The following GSDMD variants were observed in gnomAD, a reference collection of about 807,000 sequenced individuals.
GSDMD encodes gasdermin D.
Under a neutral mutation model 46.7 loss-of-function variants are expected in GSDMD, and 46 were observed. That is an observed-to-expected ratio of 0.99 (90% CI 0.78 to 1.26). The LOEUF (loss-of-function observed/expected upper bound fraction) is 1.26, where lower values mean the gene tolerates loss of function less well. GSDMD is among the 50% of genes most tolerant of loss of function. The pLI is 0.00. For synonymous variants in GSDMD, 307 were observed against 283.1 expected (o/e 1.08, Z -0.85); for missense variants, 649 against 638.8 (o/e 1.02, Z -0.17).
At chr8:143,562,398 G>A (rs768513642) in intron 9 of GSDMD, 48 bp downstream of exon 9, 32 of 1,550,962 alleles carry the variant, frequency 2.1e-5, no homozygotes, top group Non-Finnish European at 2.8e-5. Flanking sequence ...AGGGAGGTGG[G>A]CTTTCCCGGT....
intron 1 of GSDMD, chr8:143,559,014 T>A: frequency 2.3e-6 from 1 of 425,870 alleles, no homozygotes. Context: ...GGTGACAGCT[T>A]GTTTCCTCCC....
At chr8:143,559,719 G>T (rs1460189966) in intron 2 of GSDMD, 58 bp from the exon 3 acceptor site, 2 of 1,526,152 alleles carry the variant, frequency 1.3e-6, no homozygotes, top group Non-Finnish European at 1.8e-6. Context: ...GACAGGGCTG[G>T]TGGGGGCGGG....
chr8:143,558,056 G>T, upstream of GSDMD: 1 of 396,230 alleles, frequency 2.5e-6, no homozygotes, highest in Non-Finnish European at 4.8e-6. Context: ...CACCACGCCG[G>T]GCTAATTTTG....
In GSDMD at chr8:143,561,320, T is replaced by C. The variant is rs1042560120; in HGVS notation, c.683-50T>C. On this transcript the variant is annotated intron_variant, in intron 5 of 10. Transcript: ENST00000262580. ...CCTAGTAGGGGAGGGGAGGGGATGC[T>C]GGGATCTAGGTGACATGCCTGTCCC... The C allele has an allele frequency of 4.5e-6, 7 of 1,542,580 alleles. No individual in the cohort carries two copies. In the African/African-American group the frequency reaches 9.5e-5, roughly 21 times the overall value.
chr8:143,556,325 A>C (rs747062471), upstream of GSDMD, among the ~76,000 whole-genome samples: 3 of 152,180 alleles, frequency 2.0e-5, no homozygotes, highest in Non-Finnish European at 4.4e-5. Context: ...GGTTGCAATG[A>C]GCTGAGATCA....
At chr8:143,560,795 G>A (rs1409911564) in intron 4 of GSDMD, 24 bp downstream of exon 4, 17 of 1,501,254 alleles carry the variant, frequency 1.1e-5, no homozygotes, top group Admixed American at 4.8e-5. Context: ...CCCGGGCCAC[G>A]CCTGGCCCCC....
upstream of GSDMD, among the ~76,000 whole-genome samples, chr8:143,555,640 C>G (rs373372626): frequency 5.3e-5 from 8 of 152,322 alleles, no homozygotes; most frequent in Admixed American, 3.3e-4. Flanking sequence ...CCAGCAGGGA[C>G]GGGCTGCCAC....
chr8:143,554,824 G>A (rs369601702), upstream of GSDMD, among the ~76,000 whole-genome samples: 3 of 152,358 alleles, frequency 2.0e-5, no homozygotes, highest in African/African-American at 7.2e-5. Context: ...CTCTTCTTAG[G>A]CTCCTGGAGC....
chr8:143,563,014 T>A lies in GSDMD; in HGVS notation c.*110T>A, dbSNP rs1823507524. The A allele has an allele frequency of 8.0e-7, 1 of 1,250,088 alleles. No individual in the cohort carries two copies. The highest frequency in any genetic ancestry group is 1.6e-5 in the African/African-American group (1 of 62,632). 77.4% of individuals were successfully genotyped at this position (1,250,088 alleles called of 1,614,324 possible). ...CAGTAGCCATGTGGCCAGTCTACCA[T>A]GGGGCCCAGGAGTTGGGGAAACACA... On this transcript the variant is annotated 3_prime_UTR_variant, in exon 11 of 11. Coordinates refer to ENST00000262580, the MANE Select transcript of GSDMD (RefSeq NM_024736.7).
upstream of GSDMD, among the ~76,000 whole-genome samples, chr8:143,554,132 G>A (rs1446036741): frequency 2.0e-5 from 3 of 152,262 alleles, no homozygotes; most frequent in African/African-American, 7.2e-5. Flanking sequence ...GAGGGGAGGA[G>A]GGAGGAGGCC....
intron 4 of GSDMD, 63 bp from the exon 5 acceptor site, chr8:143,560,939 C>T (rs1319717710): frequency 6.5e-7 from 1 of 1,538,918 alleles, no homozygotes; most frequent in Non-Finnish European, 8.9e-7. Context: ...CGGCACCCGG[C>T]CCGCACCCGC....
At chr8:143,557,445 C>CTGCCGCTTTGGCGAA (rs1823333011), upstream of GSDMD, among the ~76,000 whole-genome samples, 4 of 79,730 alleles carry the variant, frequency 5.0e-5, no homozygotes, top group East Asian at 3.7e-4. Context: ...GCTGTGACGA[C>CTGCCGCTTTGGCGAA]GGATGCTGCC....
At chr8:143,557,912 T>TG (rs1259630231), upstream of GSDMD, 1 of 446,568 alleles carries the variant, frequency 2.2e-6, no homozygotes, top group Admixed American at 2.4e-5. Context: ...TGTTTGTTTT[T>TG]GAGACGGAGT....
At position 143,559,430 on chromosome 8, in the gene GSDMD, C is replaced by G; in HGVS notation, c.95C>G (p.Thr32Ser). Reference protein sequence around the residue: ...FIPVTSLQSSTGFQPYCLVVR... With the variant: ...FIPVTSLQSSSGFQPYCLVVR... ...CCTGTGACCAGCCTGCAGAGCTCCA[C>G]TGGCTTCCAGCCCTACTGCCTGGTG... Residue 32 changes from threonine to serine, a missense_variant, in exon 2 of 11, where the codon ACT becomes AGT. Coordinates refer to ENST00000262580, the MANE Select transcript of GSDMD (RefSeq NM_024736.7). 6.2e-7 allele frequency: 1 copy of G among 1,612,968 alleles called. No individual in the cohort carries two copies. The highest frequency in any genetic ancestry group is 1.1e-5 in the South Asian group (1 of 91,088).
At chr8:143,560,185 C>T (rs1470366693) in intron 3 of GSDMD, 3 of 701,876 alleles carry the variant, frequency 4.3e-6, no homozygotes, top group Non-Finnish European at 7.8e-6. Context: ...CAGCCTTGCT[C>T]TTGGGAAGGT....
chr8:143,558,912 G>A, intron 1 of GSDMD: 1 of 541,344 alleles, frequency 1.8e-6, no homozygotes, highest in South Asian at 1.5e-5. Context: ...GGACGCAGCT[G>A]GGGTGGGGCG....
Position 143,562,926 on chromosome 8 carries a change from G to C in GSDMD, c.*22G>C, listed in dbSNP as rs1823504680. The C allele has an allele frequency of 6.2e-7, 1 of 1,611,234 alleles. No individual in the cohort carries two copies. The highest frequency in any genetic ancestry group is 1.7e-5 in the Admixed American group (1 of 59,978). On this transcript the variant is annotated 3_prime_UTR_variant, in exon 11 of 11. Transcript: ENST00000262580. Reference sequence around the variant, plus strand: ...CTAGCCTGTGCCCGGGCATGGCCTGGCAGCTCTCCAGCAGGGCAGAGTGTT... The same window carrying C: ...CTAGCCTGTGCCCGGGCATGGCCTGCCAGCTCTCCAGCAGGGCAGAGTGTT...
At position 143,559,973 on chromosome 8, in the gene GSDMD, G is replaced by A. The variant is rs904099226; in HGVS notation, c.410+4G>A. The A allele has an allele frequency of 8.7e-6, 14 of 1,604,190 alleles. No individual in the cohort carries two copies. The highest frequency in any genetic ancestry group is 3.4e-5 in the Admixed American group (2 of 59,522). ...GGCAGACTCTGCTCCATGAGAGGTG[G>A]GCCCGAAGAGGGCAGGGCAGGGCAG... is the stretch of plus-strand genomic sequence containing the variant. On this transcript the variant is annotated splice_donor_region_variant and intron_variant, in intron 3 of 10. Coordinates refer to ENST00000262580, the MANE Select transcript of GSDMD (RefSeq NM_024736.7).
upstream of GSDMD, among the ~76,000 whole-genome samples, chr8:143,554,349 G>A (rs1823261668): frequency 1.3e-5 from 2 of 152,266 alleles, no homozygotes; most frequent in African/African-American, 2.4e-5. Context: ...ACACAAACCC[G>A]TGGACACAAC....
Sources: allele counts gnomAD v4.1 joint callset (sites outside exome capture counted in the v4.1 genomes callset), GRCh38; gene constraint gnomAD v4.1.1; transcripts MANE v1.5; gene names NCBI Gene and HGNC (gene_info 2026-07-23, HGNC 2026-07-21).